Variants in ANKEF1 observed in about 807,000 individuals in gnomAD.
ANKEF1 encodes the protein ankyrin repeat and EF-hand domain-containing protein 1.
Under a neutral mutation model 65.1 loss-of-function variants are expected in ANKEF1, and 43 were observed. That is an observed-to-expected ratio of 0.66 (90% CI 0.52 to 0.85). The LOEUF (loss-of-function observed/expected upper bound fraction) is 0.85, where lower values mean the gene tolerates loss of function less well. Among genes scored for constraint, ANKEF1 ranks in the 40% least tolerant of loss-of-function variants. The probability of loss-of-function intolerance (pLI) is 0.00; values close to 1 mark genes in which losing one functional copy is unlikely to be tolerated. For synonymous variants in ANKEF1, 316 were observed against 341.5 expected (o/e 0.93, Z 0.82); for missense variants, 934 against 952.9 (o/e 0.98, Z 0.26).
intron 5 of ANKEF1, 61 bp from the exon 6 acceptor site, chr20:10,045,513 A>T: frequency 1.9e-6 from 3 of 1,559,316 alleles, no homozygotes; most frequent in Non-Finnish European, 2.6e-6. Flanking sequence ...TCTAGCTGTC[A>T]GTCTTTATAT....
chr20:10,047,033 C>T (rs902095422), intron 6 of ANKEF1, among the ~76,000 whole-genome samples: 50 of 152,162 alleles, frequency 3.3e-4, no homozygotes, highest in Non-Finnish European at 1.9e-4. Flanking sequence ...TCTGACATTT[C>T]AGATTTAACA....
At chr20:10,040,973 CTG>C (rs1029850521) in intron 3 of ANKEF1, among the ~76,000 whole-genome samples, 55 of 150,654 alleles carry the variant, frequency 3.7e-4, no homozygotes, top group African/African-American at 1.3e-3. Context: ...TTTTTTTTAA[CTG>C]TTCTGAGTAA....
In ANKEF1 at chr20:10,057,142, G is replaced by A. The variant is rs1462479791; in HGVS notation, c.*1482G>A. 6.6e-6 allele frequency: 1 copy of A among 152,204 alleles called. No homozygotes were observed. 9.4% of individuals were successfully genotyped at this position (152,204 alleles called of 1,614,324 possible). On this transcript the variant is annotated 3_prime_UTR_variant, in exon 11 of 11. Coordinates refer to ENST00000378392, the MANE Select transcript of ANKEF1 (RefSeq NM_022096.6). ...GGCACCAATTGCAGATTACAGCTCT[G>A]TCAGTCACGTATGGATTAAACCCCT...
At position 10,049,640 on chromosome 20, in the gene ANKEF1, C is replaced by T. The variant is rs937679166; in HGVS notation, c.1071C>T (p.Asn357=). 5 of 1,614,042 alleles carry T rather than the reference C, an allele frequency of 3.1e-6. 1 individual carries two copies. The highest frequency in any genetic ancestry group is 2.2e-5 in the South Asian group (2 of 91,072). ...GGGGTGATGGAAGCATCAGCAAGAA[C>T]GACTTCGTGATGGTGTTGGAGGAAA... ...LDRGDGSISK[N]DFVMVLEERQ... The change falls in exon 7 of 11, where the codon AAC becomes AAT. Residue 357 remains asparagine, a synonymous_variant. Coordinates refer to ENST00000378392, the MANE Select transcript of ANKEF1 (RefSeq NM_022096.6).
In ANKEF1 at chr20:10,037,184, C is replaced by T. The variant is rs983296726; in HGVS notation, c.-44-1074C>T. On this transcript the variant is annotated intron_variant, in intron 2 of 10. Transcript: ENST00000378392. ...GGAAACTTAGCTAACTAGCTTATAC[C>T]AAAATAAGGTGACGGGGGAGAAGAT... Among the ~76,000 whole-genome samples, 8 of 151,998 alleles carry T rather than the reference C, an allele frequency of 5.3e-5. No individual in the cohort carries two copies. In the South Asian group the frequency reaches 1.7e-3, roughly 32 times the overall value.
chr20:10,044,198 T>A (rs540975825), intron 4 of ANKEF1, among the ~76,000 whole-genome samples, 196 bp from the exon 5 acceptor site: 1 of 152,338 alleles, frequency 6.6e-6, no homozygotes, highest in East Asian at 1.9e-4. Context: ...GATTTTAGAA[T>A]TCTACGTTTT....
rs747573081 is a variant in ANKEF1 at position 10,053,138 on chromosome 20, G to C, written c.1897G>C (p.Ala633Pro). 3.1e-6 allele frequency: 5 copies of C among 1,608,212 alleles called. No individual in the cohort carries two copies. The African/African-American group carries it at 5.4e-5, about 17-fold the overall frequency. The change falls in exon 9 of 11, where the codon GCA becomes CCA. Residue 633 changes from alanine (A) to proline (P), a missense_variant. Ala to Pro is a conservative substitution (Grantham distance 27). Coordinates refer to ENST00000378392, the MANE Select transcript of ANKEF1 (RefSeq NM_022096.6). ...KGHSAMDVAK[A>P]YADYRIIDLI... is the part of the protein sequence containing the mutation. ...GCATAGTGCCATGGACGTTGCAAAG[G>C]CATATGCTGATTATAGAATAATTGA...
At position 10,041,943 on chromosome 20, in the gene ANKEF1, G is replaced by GT. The variant is rs891191722; in HGVS notation, c.347-1171dup. ...TCTTGATTGGGTATAAAAGTTTCCT[G>GT]TTTTTTTTCCCCAAGTTATAGTGTA... On this transcript the variant is annotated intron_variant, in intron 3 of 10. Transcript: ENST00000378392. 1.7e-3 allele frequency among the ~76,000 whole-genome samples: 261 copies of GT among 151,868 alleles called. 1 individual carries two copies. The highest frequency in any genetic ancestry group is 5.9e-3 in the African/African-American group (245 of 41,446).
In ANKEF1 at chr20:10,049,568, C is replaced by G. The variant is rs1984718062; in HGVS notation, c.999C>G (p.Ser333=). Residue 333 remains serine, a synonymous_variant, in exon 7 of 11, where the codon TCC becomes TCG. Transcript: ENST00000378392. ...GGGCCCTTAGACTGCACGATTGGTC[C>G]GTAGAACGTGAGGCTTTCCTCCGGG... ...PLWALRLHDW[S]VEREAFLREA... 1 of 1,614,046 alleles carries G rather than the reference C, an allele frequency of 6.2e-7. No individual in the cohort carries two copies.
intron 3 of ANKEF1, among the ~76,000 whole-genome samples, chr20:10,039,230 TC>T (rs1271218465): frequency 2.0e-5 from 3 of 152,206 alleles, no homozygotes; most frequent in African/African-American, 7.2e-5. Context: ...CAACTGCACT[TC>T]CACACCGTTA....
chr20:10,043,652 C>CTTTTTTTTTTTT (rs374135080), intron 4 of ANKEF1, among the ~76,000 whole-genome samples: 4 of 81,364 alleles, frequency 4.9e-5, no homozygotes, highest in African/African-American at 1.0e-4. Flanking sequence ...TTTTCTTTTC[C>CTTTTTTTTTTTT]TTTTTTTTTT....
At chr20:10,045,270 G>A (rs1290516843) in intron 5 of ANKEF1, among the ~76,000 whole-genome samples, 1 of 152,086 alleles carries the variant, frequency 6.6e-6, no homozygotes, top group Non-Finnish European at 1.5e-5. Flanking sequence ...TAAGTATAGA[G>A]TTTTCTATAC....
intron 6 of ANKEF1, among the ~76,000 whole-genome samples, chr20:10,048,116 T>C (rs1290761245): frequency 6.6e-6 from 1 of 152,208 alleles, no homozygotes; most frequent in East Asian, 1.9e-4. Flanking sequence ...ATAGAGTCAC[T>C]GTTCTTAAAA....
intron 7 of ANKEF1, 151 bp downstream of exon 7, chr20:10,050,363 ATTAAC>A (rs141133661): frequency 0.15 from 85,233 of 584,062 alleles, 7,175 homozygotes; most frequent in Non-Finnish European, 0.17. Flanking sequence ...TTTATTAACA[ATTAAC>A]TTATAGGCTT....
intron 7 of ANKEF1, 65 bp downstream of exon 7, chr20:10,050,277 G>A: frequency 7.4e-7 from 1 of 1,353,392 alleles, no homozygotes; most frequent in East Asian, 2.4e-5. Flanking sequence ...GAAGTGAAAA[G>A]ATGACCGAAT....
chr20:10,050,559 A>G (rs1270671864), intron 7 of ANKEF1, among the ~76,000 whole-genome samples: 1 of 152,118 alleles, frequency 6.6e-6, no homozygotes, highest in Non-Finnish European at 1.5e-5. Flanking sequence ...ATTAAAGCCT[A>G]TAATAAATTA....
intron 2 of ANKEF1, 51 bp downstream of exon 2, chr20:10,035,693 A>G (rs1983798899): frequency 6.6e-6 from 1 of 152,228 alleles, no homozygotes; most frequent in South Asian, 2.1e-4. Context: ...AAATAATGAT[A>G]CAGGGAAGGG....
rs1984478061 is a variant in ANKEF1 at position 10,045,644 on chromosome 20, A to C, written c.767A>C (p.His256Pro). 2 of 1,613,776 alleles carry C rather than the reference A, an allele frequency of 1.2e-6. No homozygotes were observed. Among genetic ancestry groups the C allele is most frequent in the Non-Finnish European group, 1.7e-6 (2 of 1,179,864 alleles). Residue 256 changes from histidine (H) to proline (P), a missense_variant, in exon 6 of 11, where the codon CAT becomes CCT. Coordinates refer to ENST00000378392, the MANE Select transcript of ANKEF1 (RefSeq NM_022096.6). ...LISINGNTPL[H>P]YAAMGGFADC... The stretch of plus-strand genomic sequence containing the variant: ...TCGATAAATGGGAACACACCACTTC[A>C]TTATGCTGCCATGGGTGGTTTTGCA...
At chr20:10,039,955 A>T (rs1161794283) in intron 3 of ANKEF1, among the ~76,000 whole-genome samples, 2 of 152,222 alleles carry the variant, frequency 1.3e-5, no homozygotes, top group African/African-American at 4.8e-5. Flanking sequence ...GATACAAATC[A>T]CAAAGAAAAA....
Sources: gnomAD v4.1 joint callset for allele counts (sites outside exome capture counted in the v4.1 genomes callset) on GRCh38, gnomAD v4.1.1 for gene constraint, MANE v1.5 for transcripts, NCBI Gene and HGNC (gene_info 2026-07-23, HGNC 2026-07-21) for gene names.